Variants in GLIS3 observed in about 807,000 individuals in gnomAD.
GLIS3 encodes the protein GLIS family zinc finger 3, also known as zinc finger protein GLIS3.
A neutral mutation model predicts 78.6 loss-of-function variants in GLIS3; 53 were observed. The observed-to-expected ratio is 0.67, with a 90% CI of 0.54 to 0.85. The LOEUF is 0.85. Among genes scored for constraint, GLIS3 ranks in the 40% least tolerant of loss-of-function variants. The pLI is 0.00. For missense variants in GLIS3, 1,703 were observed against 1,231.1 expected (o/e 1.38, Z -5.74); for synonymous variants, 684 against 509.9 (o/e 1.34, Z -4.60).
At chr9:4,027,592 C>T (rs1563962520) in intron 4 of GLIS3, among the ~76,000 whole-genome samples, 1 of 152,100 alleles carries the variant, frequency 6.6e-6, no homozygotes, top group Admixed American at 6.6e-5. Context: ...CTGGAACATG[C>T]TATATTTTGT....
chr9:3,980,502 T>C (rs962593778), intron 4 of GLIS3, among the ~76,000 whole-genome samples: 5 of 152,156 alleles, frequency 3.3e-5, no homozygotes, highest in Non-Finnish European at 5.9e-5. Flanking sequence ...ACAGCACTGG[T>C]ATTGCTTTGT....
chr9:4,199,150 C>A (rs995696967), intron 2 of GLIS3, among the ~76,000 whole-genome samples: 1 of 152,066 alleles, frequency 6.6e-6, no homozygotes, highest in African/African-American at 2.4e-5. Flanking sequence ...AAGCAATCAC[C>A]CAATAGAAAC....
chr9:4,368,094 T>A, the GLIS3 span, among the ~76,000 whole-genome samples: 1 of 152,250 alleles, frequency 6.6e-6, no homozygotes, highest in Non-Finnish European at 1.5e-5. Context: ...TCAATGAACG[T>A]ATCACATGGC....
At chr9:3,865,146 C>G (rs931956404) in intron 8 of GLIS3, among the ~76,000 whole-genome samples, 3 of 152,154 alleles carry the variant, frequency 2.0e-5, no homozygotes, top group Admixed American at 6.6e-5. Flanking sequence ...CTCCTTCTAA[C>G]TAAACAGAAA....
At chr9:4,051,638 C>T (rs1825754266) in intron 4 of GLIS3, among the ~76,000 whole-genome samples, 1 of 152,130 alleles carries the variant, frequency 6.6e-6, no homozygotes, top group Non-Finnish European at 1.5e-5. Flanking sequence ...TATTTGAAAA[C>T]TGAGTTTTGT....
At chr9:4,206,681 C>A (rs565585350) in intron 2 of GLIS3, among the ~76,000 whole-genome samples, 2 of 152,290 alleles carry the variant, frequency 1.3e-5, no homozygotes, top group East Asian at 3.9e-4. Context: ...GGGGTGTGAA[C>A]CATCCATAAA....
intron 4 of GLIS3, among the ~76,000 whole-genome samples, chr9:3,958,760 T>C (rs1817334231): frequency 6.6e-6 from 1 of 152,224 alleles, no homozygotes; most frequent in Non-Finnish European, 1.5e-5. Flanking sequence ...AGACAGAGAC[T>C]GTAAATCTGG....
intron 2 of GLIS3, among the ~76,000 whole-genome samples, chr9:4,237,850 C>T (rs1330534337): frequency 6.6e-6 from 1 of 152,206 alleles, no homozygotes; most frequent in Non-Finnish European, 1.5e-5. Context: ...CAGTTCTCTC[C>T]AGCTTCAGCA....
In GLIS3 at chr9:4,286,267, G is replaced by C. The variant is rs1447472107; in HGVS notation, c.159C>G (p.Ser53Arg). Reference sequence around the variant, plus strand: ...TCTTGAGATGGAGGTTGTTAGCAAGGCTTGCCATAGTGGGACTCGATGTGC... The same window carrying C: ...TCTTGAGATGGAGGTTGTTAGCAAGCCTTGCCATAGTGGGACTCGATGTGC... ...CGSTSSPTMASLANNLHLKMP... is the reference protein window; with the variant it reads ...CGSTSSPTMARLANNLHLKMP... Residue 53 changes from serine (S) to arginine (R), a missense_variant, in exon 2 of 11, where the codon AGC becomes AGG. Ser to Arg is a moderately radical substitution (Grantham distance 110). Transcript: ENST00000381971. 6.2e-7 allele frequency: 1 copy of C among 1,614,204 alleles called. No individual in the cohort carries two copies. The highest frequency in any genetic ancestry group is 8.5e-7 in the Non-Finnish European group (1 of 1,180,038).
At chr9:4,380,609 G>C in the GLIS3 span, among the ~76,000 whole-genome samples, 1 of 152,198 alleles carries the variant, frequency 6.6e-6, no homozygotes, top group Non-Finnish European at 1.5e-5. Flanking sequence ...GAGTCAATAG[G>C]ACTGAAGTTG....
the GLIS3 span, among the ~76,000 whole-genome samples, chr9:4,468,657 A>T: frequency 6.6e-6 from 1 of 152,200 alleles, no homozygotes; most frequent in South Asian, 2.1e-4. Context: ...GAAAGGAACA[A>T]CTGGTACCAG....
chr9:3,856,188 A>T lies in GLIS3; in HGVS notation c.2298-4T>A. 4 of 1,612,996 alleles carry T rather than the reference A, an allele frequency of 2.5e-6. No homozygotes were observed. Among genetic ancestry groups the T allele is most frequent in the Non-Finnish European group, 3.4e-6 (4 of 1,179,418 alleles). ...AGATGGAGCAGAAGGTGCAAACCTG[A>T]GAAAACAATTATAAAAGGAAACATG... On this transcript the variant is annotated splice_polypyrimidine_tract_variant and splice_region_variant and intron_variant, in intron 8 of 10. Transcript: ENST00000381971.
At chr9:4,442,894 C>T in the GLIS3 span, among the ~76,000 whole-genome samples, 3 of 152,034 alleles carry the variant, frequency 2.0e-5, no homozygotes, top group Admixed American at 6.6e-5. Flanking sequence ...GTCCAGAACA[C>T]AAGCTCATAA....
At chr9:4,128,945 C>A (rs565406248) in intron 2 of GLIS3, among the ~76,000 whole-genome samples, 1 of 152,322 alleles carries the variant, frequency 6.6e-6, no homozygotes, top group Admixed American at 6.5e-5. Flanking sequence ...AACTTTAACC[C>A]CATCTAAGCA....
At chr9:4,399,791 A>T in the GLIS3 span, among the ~76,000 whole-genome samples, 20 of 152,192 alleles carry the variant, frequency 1.3e-4, no homozygotes, top group Non-Finnish European at 4.4e-5. Context: ...GCTACAGAAG[A>T]GGCATCTAAC....
chr9:4,469,671 C>T, the GLIS3 span, among the ~76,000 whole-genome samples: 2,479 of 152,242 alleles, frequency 0.016, 65 homozygotes, highest in African/African-American at 0.057. Flanking sequence ...TAAATGCCCA[C>T]AAGAGAAAGC....
chr9:4,397,336 A>G, the GLIS3 span, among the ~76,000 whole-genome samples: 1 of 151,546 alleles, frequency 6.6e-6, no homozygotes, highest in African/African-American at 2.4e-5. Context: ...TCAATCCATT[A>G]TTTTTATTTT....
chr9:4,137,920 G>A (rs527543018), intron 2 of GLIS3, among the ~76,000 whole-genome samples: 2 of 152,212 alleles, frequency 1.3e-5, no homozygotes, highest in African/African-American at 4.8e-5. Context: ...AATCCCAGGG[G>A]AAGTAAGCAG....
chr9:4,480,532 G>A, the GLIS3 span, among the ~76,000 whole-genome samples: 1 of 152,090 alleles, frequency 6.6e-6, no homozygotes, highest in Non-Finnish European at 1.5e-5. Flanking sequence ...AGAAATGGAG[G>A]AATATGGCAT....
Sources: gnomAD v4.1 joint callset for allele counts (sites outside exome capture counted in the v4.1 genomes callset) on GRCh38, gnomAD v4.1.1 for gene constraint, MANE v1.5 for transcripts, NCBI Gene and HGNC (gene_info 2026-07-23, HGNC 2026-07-21) for gene names.